The following ANK3 variants were observed in gnomAD, a reference collection of about 807,000 sequenced individuals.
The protein encoded by ANK3 is ankyrin-3.
ANK3 carries 57 observed loss-of-function variants against 370.9 expected under a neutral mutation model. That is an observed-to-expected ratio of 0.15 (90% CI 0.12 to 0.19). The LOEUF (loss-of-function observed/expected upper bound fraction) is 0.19. ANK3 is among the 10% of genes least tolerant of loss of function. The pLI is 1.00. For missense variants in ANK3, 4,439 were observed against 5,302.1 expected (o/e 0.84, Z 5.06); for synonymous variants, 1,929 against 1,946.3 (o/e 0.99, Z 0.23).
rs1381744087 is a variant in ANK3, at chr10:60,166,625, G to C, written c.2580C>G (p.Leu860=). 1 of 1,613,796 alleles carries C rather than the reference G, an allele frequency of 6.2e-7. No homozygotes were observed. Among genetic ancestry groups the C allele is most frequent in the Non-Finnish European group, 8.5e-7 (1 of 1,179,806 alleles). Residue 860 remains leucine, a synonymous_variant, in exon 23 of 44, where the codon CTC becomes CTG. Transcript: ENST00000280772. ...EVRKANAPEM[L]SDGEYISDVE... The stretch of plus-strand genomic sequence containing the variant: ...CATCTGAGATATATTCGCCATCACT[G>C]AGCATTTCAGGGGCATTGGCTTTAC...
chr10:60,571,185 A>C (rs962564018), intron 2 of ANK3, among the ~76,000 whole-genome samples: 1 of 151,890 alleles, frequency 6.6e-6, no homozygotes, highest in Non-Finnish European at 1.5e-5. Flanking sequence ...AACCCTTGCC[A>C]AGGCAATGTA....
intron 1 of ANK3, among the ~76,000 whole-genome samples, chr10:60,381,108 A>G (rs554925973): frequency 2.0e-5 from 3 of 152,268 alleles, no homozygotes; most frequent in African/African-American, 7.2e-5. Flanking sequence ...TGGGGGATAA[A>G]TTGGTTGGTA....
chr10:60,513,972 C>T (rs2076153180), intron 2 of ANK3, among the ~76,000 whole-genome samples: 1 of 152,104 alleles, frequency 6.6e-6, no homozygotes, highest in African/African-American at 2.4e-5. Flanking sequence ...GCCCTTGAGA[C>T]AGCAAGACCA....
intron 7 of ANK3, among the ~76,000 whole-genome samples, chr10:60,254,818 G>A (rs2097713368): frequency 6.6e-6 from 1 of 152,216 alleles, no homozygotes; most frequent in African/African-American, 2.4e-5. Context: ...TGATAGGCTA[G>A]GGAGAGGAAA....
chr10:60,700,097 G>A (rs1357118432), intron 1 of ANK3, among the ~76,000 whole-genome samples: 1 of 152,026 alleles, frequency 6.6e-6, no homozygotes, highest in Non-Finnish European at 1.5e-5. Context: ...CAGCTTCTGG[G>A]GACTTTTTGA....
intron 1 of ANK3, among the ~76,000 whole-genome samples, chr10:60,286,289 A>G (rs2098244354): frequency 6.6e-6 from 1 of 152,158 alleles, no homozygotes; most frequent in Non-Finnish European, 1.5e-5. Context: ...ATATTATGTA[A>G]TTGACTTAGT....
At chr10:60,259,367 T>C (rs895463197) in intron 7 of ANK3, among the ~76,000 whole-genome samples, 1 of 152,142 alleles carries the variant, frequency 6.6e-6, no homozygotes, top group Non-Finnish European at 1.5e-5. Flanking sequence ...ACCACAGCCT[T>C]CAGCTCAGAA....
intron 1 of ANK3, among the ~76,000 whole-genome samples, chr10:60,383,562 T>C (rs1390900023): frequency 6.6e-6 from 1 of 152,156 alleles, no homozygotes; most frequent in Non-Finnish European, 1.5e-5. Flanking sequence ...AGTTTGGTTG[T>C]AGTAGATAAT....
At chr10:60,371,622 C>T (rs2060122529) in intron 1 of ANK3, among the ~76,000 whole-genome samples, 1 of 152,046 alleles carries the variant, frequency 6.6e-6, no homozygotes, top group Non-Finnish European at 1.5e-5. Context: ...CTTTTTATGT[C>T]CTTCTTATGG....
At chr10:60,191,648 CT>C (rs945752155) in intron 16 of ANK3, among the ~76,000 whole-genome samples, 4 of 152,092 alleles carry the variant, frequency 2.6e-5, no homozygotes, top group African/African-American at 9.7e-5. Flanking sequence ...TTAATATAAC[CT>C]TTAAGGACAA....
chr10:60,540,363 T>C (rs921044920), intron 2 of ANK3, among the ~76,000 whole-genome samples: 1 of 151,936 alleles, frequency 6.6e-6, no homozygotes, highest in Admixed American at 6.6e-5. Flanking sequence ...TCTAGTCTTT[T>C]CTGAGGGACG....
intron 2 of ANK3, among the ~76,000 whole-genome samples, chr10:60,430,654 C>A (rs1294155769): frequency 6.6e-6 from 1 of 152,064 alleles, no homozygotes; most frequent in Non-Finnish European, 1.5e-5. Context: ...CTGTTTTTTA[C>A]CCCAGAGAAT....
At chr10:60,521,174 C>T (rs2076338316) in intron 2 of ANK3, among the ~76,000 whole-genome samples, 1 of 151,994 alleles carries the variant, frequency 6.6e-6, no homozygotes. Context: ...GGTTATTTCT[C>T]TTCTTTGTAG....
At chr10:60,055,591 A>G (rs1282089193) in intron 42 of ANK3, 67 bp downstream of exon 42, 2 of 1,515,230 alleles carry the variant, frequency 1.3e-6, no homozygotes, top group African/African-American at 1.4e-5. Context: ...TGCAAGATCA[A>G]TCCAAAGAAG....
chr10:60,617,021 T>C (rs2078276822), intron 1 of ANK3, among the ~76,000 whole-genome samples: 1 of 152,200 alleles, frequency 6.6e-6, no homozygotes, highest in Non-Finnish European at 1.5e-5. Context: ...TGTGGGTTTC[T>C]ATTGATTTAT....
chr10:60,552,077 C>A (rs559008385), intron 2 of ANK3, among the ~76,000 whole-genome samples: 6 of 152,296 alleles, frequency 3.9e-5, no homozygotes, highest in African/African-American at 1.4e-4. Flanking sequence ...ACCAAGCCTG[C>A]ACACATGAGA....
intron 1 of ANK3, among the ~76,000 whole-genome samples, chr10:60,334,346 A>G (rs759578791): frequency 1.3e-5 from 2 of 152,186 alleles, no homozygotes; most frequent in Non-Finnish European, 2.9e-5. Context: ...AATAGCACCC[A>G]AAAGCCACCA....
chr10:60,626,202 A>G (rs1052104538), intron 1 of ANK3, among the ~76,000 whole-genome samples: 1 of 152,320 alleles, frequency 6.6e-6, no homozygotes, highest in African/African-American at 2.4e-5. Context: ...GGGTGATTAC[A>G]TACTTTCTAA....
chr10:60,080,647 T>A, intron 35 of ANK3, 29 bp from the exon 36 acceptor site: 1 of 1,506,426 alleles, frequency 6.6e-7, no homozygotes, highest in Non-Finnish European at 9.0e-7. Context: ...AAGACAACTC[T>A]ATTTCCAACT....
Sources: allele counts gnomAD v4.1 joint callset (sites outside exome capture counted in the v4.1 genomes callset), GRCh38; gene constraint gnomAD v4.1.1; transcripts MANE v1.5; gene names NCBI Gene and HGNC (gene_info 2026-07-23, HGNC 2026-07-21).